Variants in DPY19L2 observed in about 807,000 individuals in gnomAD.
The protein encoded by DPY19L2 is dpy-19 like 2, also known as probable C-mannosyltransferase DPY19L2.
A neutral mutation model predicts 97.9 loss-of-function variants in DPY19L2; 34 were observed. The observed-to-expected ratio is 0.35, with a 90% CI of 0.26 to 0.46. The LOEUF (loss-of-function observed/expected upper bound fraction) is 0.46. Among genes scored for constraint, DPY19L2 ranks in the 20% least tolerant of loss-of-function variants. DPY19L2 has a pLI of 1.00. For synonymous variants in DPY19L2, 230 were observed against 307.9 expected, an observed-to-expected ratio of 0.75 and a Z score of 2.65; for missense variants, 623 against 911.4, an observed-to-expected ratio of 0.68 and a Z score of 4.07.
rs535938888 is a variant in DPY19L2 at position 63,637,923 on chromosome 12, C to A, written c.803+6480G>T. 2.0e-5 allele frequency among the ~76,000 whole-genome samples: 3 copies of A among 152,180 alleles called. No homozygotes were observed. In the South Asian group the frequency reaches 6.2e-4, roughly 32 times the overall value. ...ACAACAAAAAAAGAGAATTTTAGACCAATATCCCTGATGAACATTGATACA... is the reference window on the plus strand; with the variant it reads ...ACAACAAAAAAAGAGAATTTTAGACAAATATCCCTGATGAACATTGATACA... On this transcript the variant is annotated intron_variant, in intron 6 of 21. Transcript: ENST00000324472.
chr12:63,602,317 TAATG>T (rs1885320178), intron 12 of DPY19L2, among the ~76,000 whole-genome samples: 1 of 151,508 alleles, frequency 6.6e-6, no homozygotes, highest in African/African-American at 2.4e-5. Flanking sequence ...AAAATTCAAA[TAATG>T]AAGGAATTGA....
intron 6 of DPY19L2, among the ~76,000 whole-genome samples, chr12:63,631,267 A>G (rs537246354): frequency 1.3e-5 from 2 of 152,254 alleles, no homozygotes; most frequent in East Asian, 1.9e-4. Flanking sequence ...CAAAAAATCA[A>G]TGAATCCAGG....
chr12:63,629,584 G>A (rs142076802), intron 6 of DPY19L2, among the ~76,000 whole-genome samples: 2,082 of 152,252 alleles, frequency 0.014, 30 homozygotes, highest in Middle Eastern at 0.024. Context: ...CCAAGTCTAC[G>A]TCTGATTGGT....
At chr12:63,611,121 GA>G (rs1265671708) in intron 11 of DPY19L2, among the ~76,000 whole-genome samples, 1 of 151,844 alleles carries the variant, frequency 6.6e-6, no homozygotes, top group Non-Finnish European at 1.5e-5. Context: ...AGAAAAATTG[GA>G]ATGCTTATGC....
At chr12:63,591,473 T>G (rs1882892592) in intron 16 of DPY19L2, among the ~76,000 whole-genome samples, 1 of 152,116 alleles carries the variant, frequency 6.6e-6, no homozygotes, top group Non-Finnish European at 1.5e-5. Context: ...AAATAAAAGT[T>G]GAACACTAAA....
chr12:63,616,743 C>G (rs1887900846), intron 11 of DPY19L2, among the ~76,000 whole-genome samples: 1 of 152,150 alleles, frequency 6.6e-6, no homozygotes, highest in East Asian at 1.9e-4. Flanking sequence ...ACTTTCTAAA[C>G]TGCCTTCAGA....
chr12:63,617,201 A>G (rs1041655127), intron 11 of DPY19L2, 103 bp downstream of exon 11: 2 of 649,784 alleles, frequency 3.1e-6, no homozygotes, highest in Non-Finnish European at 5.4e-6. Flanking sequence ...ATGTTGAGTG[A>G]TAATCAGGAA....
At chr12:63,632,590 C>G (rs1469881120) in intron 6 of DPY19L2, among the ~76,000 whole-genome samples, 2 of 152,076 alleles carry the variant, frequency 1.3e-5, no homozygotes, top group East Asian at 3.9e-4. Context: ...GGAAGAAATT[C>G]CATGCTCATG....
Position 63,565,145 on chromosome 12 carries a change from T to C in DPY19L2, c.2126+4079A>G, listed in dbSNP as rs143210852. ...TAAATTTCTTGAAAGTAGCCTATAG[T>C]AGGGTCTTGCTTTGCTGTGCAATCT... On this transcript the variant is annotated intron_variant, in intron 21 of 21. Transcript: ENST00000324472. Among the ~76,000 whole-genome samples the C allele has an allele frequency of 2.4e-3, 371 of 152,328 alleles. 1 individual carries two copies. Among genetic ancestry groups the C allele is most frequent in the African/African-American group, 8.6e-3 (358 of 41,576 alleles).
intron 19 of DPY19L2, among the ~76,000 whole-genome samples, chr12:63,578,763 A>G (rs2137344784): frequency 6.6e-6 from 1 of 152,238 alleles, no homozygotes; most frequent in South Asian, 2.1e-4. Flanking sequence ...ATTTATGATG[A>G]CAAGCTGTTA....
intron 18 of DPY19L2, 89 bp from the exon 19 acceptor site, chr12:63,580,925 A>C: frequency 7.4e-7 from 1 of 1,348,010 alleles, no homozygotes; most frequent in African/African-American, 1.5e-5. Flanking sequence ...ACTCAAACCA[A>C]TGTGAATTAC....
At chr12:63,627,412 C>T (rs760201124) in intron 6 of DPY19L2, among the ~76,000 whole-genome samples, 6 of 152,062 alleles carry the variant, frequency 3.9e-5, no homozygotes, top group Admixed American at 6.6e-5. Flanking sequence ...TGCAGTGGCG[C>T]GATCTCGGCT....
chr12:63,639,667 G>A (rs1038487711), intron 6 of DPY19L2, among the ~76,000 whole-genome samples: 5 of 152,160 alleles, frequency 3.3e-5, no homozygotes, highest in African/African-American at 1.2e-4. Context: ...TCTCACACCA[G>A]TTAGAATGGC....
chr12:63,575,616 T>G (rs1272042766), intron 19 of DPY19L2, among the ~76,000 whole-genome samples: 1 of 151,740 alleles, frequency 6.6e-6, no homozygotes, highest in East Asian at 1.9e-4. Context: ...AAAGGAGACA[T>G]TATAACCAAT....
intron 4 of DPY19L2, among the ~76,000 whole-genome samples, chr12:63,660,176 A>G (rs141117560): frequency 0.032 from 4,932 of 152,204 alleles, 114 homozygotes; most frequent in Middle Eastern, 0.088. Flanking sequence ...ACTTCTAGGT[A>G]TATATCCTAG....
rs974051897 is a variant in DPY19L2, at chr12:63,559,634, C to T, written c.*878G>A. On this transcript the variant is annotated 3_prime_UTR_variant, in exon 22 of 22. Coordinates refer to ENST00000324472, the MANE Select transcript of DPY19L2 (RefSeq NM_173812.5). Reference sequence around the variant, plus strand: ...GGCCAGAAATAAAGACCATGACCAACAAGCTTTGGGGCCATCAAGATGAAA... The same window carrying T: ...GGCCAGAAATAAAGACCATGACCAATAAGCTTTGGGGCCATCAAGATGAAA... The T allele has an allele frequency of 6.6e-6, 1 of 152,330 alleles. No homozygotes were observed. Among genetic ancestry groups the T allele is most frequent in the Non-Finnish European group, 1.5e-5 (1 of 68,032 alleles). The allele number at this position is 152,330 out of a possible 1,614,324, so 9.4% of individuals were successfully genotyped here. A position where few individuals can be genotyped will look rare whatever the true frequency, so the allele number is the denominator to read the frequency against.
intron 11 of DPY19L2, among the ~76,000 whole-genome samples, chr12:63,613,266 T>C (rs1220471503): frequency 6.6e-6 from 1 of 152,124 alleles, no homozygotes; most frequent in Non-Finnish European, 1.5e-5. Flanking sequence ...TAGAAAGCTG[T>C]ATCCCACAAA....
chr12:63,647,135 T>C, intron 5 of DPY19L2, 110 bp downstream of exon 5: 7 of 992,766 alleles, frequency 7.1e-6, no homozygotes, highest in Non-Finnish European at 8.2e-6. Context: ...TCAGTTCTAA[T>C]GTTTTTTAAA....
At chr12:63,634,074 G>A (rs1462127203) in intron 6 of DPY19L2, among the ~76,000 whole-genome samples, 1 of 150,554 alleles carries the variant, frequency 6.6e-6, no homozygotes, top group African/African-American at 2.4e-5. Context: ...AGGGTGCGGG[G>A]AAGGGGGAGG....
Sources: gnomAD v4.1 joint callset for allele counts (sites outside exome capture counted in the v4.1 genomes callset) on GRCh38, gnomAD v4.1.1 for gene constraint, MANE v1.5 for transcripts, NCBI Gene and HGNC (gene_info 2026-07-23, HGNC 2026-07-21) for gene names.